Variants in SPRED2 observed in about 807,000 individuals in gnomAD.
SPRED2 encodes sprouty-related, EVH1 domain-containing protein 2.
In SPRED2, 47 loss-of-function variants were observed where a neutral mutation model predicts 43.0. The observed-to-expected ratio is 1.09, with a 90% CI of 0.87 to 1.40. The LOEUF (loss-of-function observed/expected upper bound fraction) is 1.40, where lower values mean the gene tolerates loss of function less well. Ranked by LOEUF, SPRED2 falls within the 40% of genes most tolerant of loss-of-function variation. The pLI is 0.00. For synonymous variants in SPRED2, 225 were observed against 225.7 expected, an observed-to-expected ratio of 1.00 and a Z score of 0.03; for missense variants, 561 against 586.4, an observed-to-expected ratio of 0.96 and a Z score of 0.45.
intron 5 of SPRED2, 99 bp downstream of exon 5, chr2:65,316,635 C>A: frequency 7.0e-7 from 1 of 1,418,594 alleles, no homozygotes; most frequent in Non-Finnish European, 9.6e-7. Context: ...CAGGAGAGGC[C>A]TGTGGTCATG....
intron 1 of SPRED2, among the ~76,000 whole-genome samples, chr2:65,345,528 T>C (rs947545949): frequency 6.6e-6 from 1 of 152,194 alleles, no homozygotes; most frequent in Non-Finnish European, 1.5e-5. Flanking sequence ...CCCAAAGCAC[T>C]GGGATTACAG....
intron 1 of SPRED2, among the ~76,000 whole-genome samples, chr2:65,398,429 G>A (rs1026042236): frequency 6.6e-6 from 1 of 152,036 alleles, no homozygotes; most frequent in Non-Finnish European, 1.5e-5. Flanking sequence ...GAAACAATCA[G>A]CACAGTTAGC....
intron 1 of SPRED2, among the ~76,000 whole-genome samples, chr2:65,398,734 AT>A (rs1259270738): frequency 6.6e-6 from 1 of 152,206 alleles, no homozygotes; most frequent in Admixed American, 6.5e-5. Context: ...GTTGGTGTGG[AT>A]GTGCTGAAAA....
In SPRED2 at chr2:65,313,589, CA is replaced by C; in HGVS notation, c.1168del (p.Cys390ValfsTer16). The C allele has an allele frequency of 6.2e-7, 1 of 1,614,210 alleles. No homozygotes were observed. The highest frequency in any genetic ancestry group is 8.5e-7 in the Non-Finnish European group (1 of 1,180,028). ...ALIALSFLAP[C>X]MCCYLPLRAC... ...CCGAAGGGGCAGGTAACAGCACATA[CA>C]GGGGGCCAGGAAAGACAAGGCAATA... On this transcript the variant is annotated frameshift_variant, in exon 6 of 6. Transcript: ENST00000356388. LOFTEE classifies it high-confidence loss of function.
rs1389811222 is a variant in SPRED2 at position 65,334,676 on chromosome 2, G to T, written c.302C>A (p.Thr101Asn). 2 of 1,614,098 alleles carry T rather than the reference G, an allele frequency of 1.2e-6. No homozygotes were observed. Among genetic ancestry groups the T allele is most frequent in the Middle Eastern group, 1.6e-4 (1 of 6,084 alleles). ...TCGGGCATCAGCAGGGCTTTGGAAAGTAAGTCCAAACTTCCTATTATCGAC... is the reference window on the plus strand; with the variant it reads ...TCGGGCATCAGCAGGGCTTTGGAAATTAAGTCCAAACTTCCTATTATCGAC... ...WKVDNRKFGL[T>N]FQSPADARAF... The change falls in exon 3 of 6, where the codon ACT (threonine) becomes AAT (asparagine). Residue 101 changes from threonine (T) to asparagine (N), a missense_variant. Transcript: ENST00000356388.
chr2:65,337,906 T>TA (rs1471399326), intron 2 of SPRED2, among the ~76,000 whole-genome samples: 1 of 152,206 alleles, frequency 6.6e-6, no homozygotes, highest in East Asian at 1.9e-4. Flanking sequence ...GTGGCAATAT[T>TA]AAAAAATGTA....
rs933620943 is a variant in SPRED2 at position 65,387,445 on chromosome 2, A to G, written c.27-42549T>C. ...ACAATGGTAAGCACACCTAGGTCTCAGTTTACTTAGCAGAGAGCAACAGCT... is the reference window on the plus strand; with the variant it reads ...ACAATGGTAAGCACACCTAGGTCTCGGTTTACTTAGCAGAGAGCAACAGCT... On this transcript the variant is annotated intron_variant, in intron 1 of 5. Coordinates refer to ENST00000356388, the MANE Select transcript of SPRED2 (RefSeq NM_181784.3). 4.6e-5 allele frequency among the ~76,000 whole-genome samples: 7 copies of G among 152,226 alleles called. No homozygotes were observed. In the East Asian group the frequency reaches 1.3e-3, roughly 29 times the overall value.
At position 65,313,548 on chromosome 2, in the gene SPRED2, C is replaced by A; in HGVS notation, c.1210G>T (p.Gly404Ter). 6.2e-7 allele frequency: 1 copy of A among 1,613,378 alleles called. No individual in the cohort carries two copies. Among genetic ancestry groups the A allele is most frequent in the Non-Finnish European group, 8.5e-7 (1 of 1,179,642 alleles). The stretch of plus-strand genomic sequence containing the variant: ...CCGCCACAGCACCTGCACATCACTC[C>A]GCAGTGGTAGCAGGCCCGAAGGGGC... Reference protein sequence around the residue: ...YLPLRACYHCGVMCRCCGGKH... With the variant: ...YLPLRACYHC The change falls in exon 6 of 6, where the codon GGA (glycine) becomes TGA (stop). Residue 404 changes from glycine (G) to a stop codon, truncating the protein, a stop_gained. Coordinates refer to ENST00000356388, the MANE Select transcript of SPRED2 (RefSeq NM_181784.3). LOFTEE classifies it high-confidence loss of function.
intron 2 of SPRED2, among the ~76,000 whole-genome samples, chr2:65,337,128 G>C (rs1673990022): frequency 6.6e-6 from 1 of 152,020 alleles, no homozygotes; most frequent in African/African-American, 2.4e-5. Context: ...TAAAGTTTGA[G>C]TAAAATAAGT....
At chr2:65,357,363 A>G (rs1206422811) in intron 1 of SPRED2, among the ~76,000 whole-genome samples, 1 of 152,198 alleles carries the variant, frequency 6.6e-6, no homozygotes, top group Admixed American at 6.5e-5. Context: ...AGGTCTTCAC[A>G]TTAGTTCCAC....
rs556919130 is a variant in SPRED2, at chr2:65,314,477, C to T, written c.589-308G>A. On this transcript the variant is annotated intron_variant, in intron 5 of 5. Transcript: ENST00000356388. Reference sequence around the variant, plus strand: ...TACAGGCAGGGGAGTGTGCACATGGCAAGGGCACAGTGTGATGCGTTCTCA... The same window carrying T: ...TACAGGCAGGGGAGTGTGCACATGGTAAGGGCACAGTGTGATGCGTTCTCA... Among the ~76,000 whole-genome samples, 5 of 152,268 alleles carry T rather than the reference C, an allele frequency of 3.3e-5. No individual in the cohort carries two copies. In the East Asian group the frequency reaches 9.7e-4, roughly 29 times the overall value.
At position 65,311,922 on chromosome 2, in the gene SPRED2, AGGAGTGGGGAAAG is replaced by A. The variant is rs1673080215; in HGVS notation, c.*1566_*1578del. ...ACTGGTGTCCTGTGTGCAATAAAGA[AGGAGTGGGGAAAG>A]GGAGTGGGGAGCAGGCCATGTCTTC... On this transcript the variant is annotated 3_prime_UTR_variant, in exon 6 of 6. Transcript: ENST00000356388. 3 of 985,360 alleles carry A rather than the reference AGGAGTGGGGAAAG, an allele frequency of 3.0e-6. No homozygotes were observed. The highest frequency in any genetic ancestry group is 3.5e-5 in the African/African-American group (2 of 57,318). The allele number at this position is 985,360 out of a possible 1,614,324, so 61.0% of individuals were successfully genotyped here. A position where few individuals can be genotyped will look rare whatever the true frequency, so the allele number is the denominator to read the frequency against.
chr2:65,348,501 A>T (rs1368316984), intron 1 of SPRED2, among the ~76,000 whole-genome samples: 4 of 83,790 alleles, frequency 4.8e-5, no homozygotes, highest in Non-Finnish European at 9.2e-5. Flanking sequence ...AAACAGGTTT[A>T]AAAAAAATTA....
At position 65,365,017 on chromosome 2, in the gene SPRED2, T is replaced by C. The variant is rs560468233; in HGVS notation, c.27-20121A>G. ...GCCTTTCTTTCACAACTTAAAAAAA[T>C]GTTGTTAATAAAAAATGGCCCTCAC... is the stretch of plus-strand genomic sequence containing the variant. On this transcript the variant is annotated intron_variant, in intron 1 of 5. Transcript: ENST00000356388. Among the ~76,000 whole-genome samples the C allele has an allele frequency of 2.6e-5, 4 of 152,306 alleles. No individual in the cohort carries two copies. The South Asian group carries it at 6.2e-4, about 24-fold the overall frequency.
chr2:65,311,210 G>T lies in SPRED2; in HGVS notation c.*2291C>A. 1.0e-6 allele frequency: 1 copy of T among 985,842 alleles called. No individual in the cohort carries two copies. The highest frequency in any genetic ancestry group is 1.2e-6 in the Non-Finnish European group (1 of 829,914). 61.1% of individuals were successfully genotyped at this position (985,842 alleles called of 1,614,324 possible). On this transcript the variant is annotated 3_prime_UTR_variant, in exon 6 of 6. Coordinates refer to ENST00000356388, the MANE Select transcript of SPRED2 (RefSeq NM_181784.3). ...AAATGATTGACGTCAGTATGGCAAA[G>T]CTGACTGGGAAAATACTACACACTG...
chr2:65,317,193 A>G (rs371288780), intron 4 of SPRED2, among the ~76,000 whole-genome samples: 7 of 152,292 alleles, frequency 4.6e-5, no homozygotes, highest in South Asian at 4.1e-4. Context: ...AGGCTCCCCA[A>G]AGGTTTGTGT....
chr2:65,337,107 C>CAA (rs200290705), intron 2 of SPRED2, among the ~76,000 whole-genome samples: 3 of 146,350 alleles, frequency 2.0e-5, no homozygotes, highest in Non-Finnish European at 4.5e-5. Context: ...GACTCTGTCT[C>CAA]AAAAAAAAAA....
intron 2 of SPRED2, 99 bp downstream of exon 2, chr2:65,344,620 A>G (rs1421571470): frequency 6.7e-7 from 1 of 1,482,348 alleles, no homozygotes; most frequent in Non-Finnish European, 9.2e-7. Context: ...GAAGTCAGAG[A>G]AAGAAAGAAA....
downstream of SPRED2, among the ~76,000 whole-genome samples, chr2:65,308,769 T>C (rs1672992232): frequency 6.6e-6 from 1 of 152,262 alleles, no homozygotes; most frequent in Non-Finnish European, 1.5e-5. Flanking sequence ...GCAGAAAGGC[T>C]GTCCAGTGAC....
Sources: gnomAD v4.1 joint callset for allele counts (sites outside exome capture counted in the v4.1 genomes callset) on GRCh38, gnomAD v4.1.1 for gene constraint, MANE v1.5 for transcripts, NCBI Gene and HGNC (gene_info 2026-07-23, HGNC 2026-07-21) for gene names.